The following COQ5 variants were observed in gnomAD, a reference collection of about 807,000 sequenced individuals.
The protein encoded by COQ5 is coenzyme Q5, methyltransferase.
Under a neutral mutation model 40.5 loss-of-function variants are expected in COQ5, and 27 were observed. The observed-to-expected ratio is 0.67, with a 90% CI of 0.49 to 0.92. The LOEUF is 0.92. Among genes scored for constraint, COQ5 ranks in the 40% least tolerant of loss-of-function variants. The pLI, the probability that COQ5 is intolerant of heterozygous loss-of-function variation, is 0.00. For synonymous variants in COQ5, 141 were observed against 150.0 expected (o/e 0.94, Z 0.44); for missense variants, 409 against 406.4 (o/e 1.01, Z -0.06).
intron 1 of COQ5, chr12:120,522,907 C>T (rs920207697): frequency 1.7e-5 from 12 of 717,414 alleles, no homozygotes; most frequent in African/African-American, 1.2e-4. Flanking sequence ...GCCTTGATAG[C>T]GTCAGCACGT....
At position 120,516,575 on chromosome 12, in the gene COQ5, T is replaced by C. The variant is rs752650506; in HGVS notation, c.566A>G (p.Tyr189Cys). 2 of 1,613,392 alleles carry C rather than the reference T, an allele frequency of 1.2e-6. No homozygotes were observed. Among genetic ancestry groups the C allele is most frequent in the Admixed American group, 1.7e-5 (1 of 60,014 alleles). Residue 189 changes from tyrosine (Y) to cysteine (C), a missense_variant, in exon 3 of 7, where the codon TAC (tyrosine) becomes TGC (cysteine). Transcript: ENST00000288532. ...VGKQKALAQG[Y>C]RAGLAWVLGD... is the part of the protein sequence containing the mutation. The stretch of plus-strand genomic sequence containing the variant: ...CCTTCTGCAGGACTCACCAGCTCTG[T>C]ATCCTTGAGCCAAGGCTTTCTGCTT...
chr12:120,528,007 A>AAAAAAAG (rs1407990463), intron 1 of COQ5, among the ~76,000 whole-genome samples: 2 of 142,246 alleles, frequency 1.4e-5, no homozygotes, highest in Non-Finnish European at 3.1e-5. Flanking sequence ...AAAAAAAAAA[A>AAAAAAAG]AAAAAAAAAA....
chr12:120,513,028 G>T lies in COQ5; in HGVS notation c.575-2905C>A, dbSNP rs143109233. On this transcript the variant is annotated intron_variant, in intron 3 of 6. Coordinates refer to ENST00000288532, the MANE Select transcript of COQ5 (RefSeq NM_032314.4). ...TTGGCCAGGCTATTCTCGAACTCCT[G>T]ACCTGAGGTGATCCACCTGCCTCGG... is the stretch of plus-strand genomic sequence containing the variant. 8.4e-3 allele frequency among the ~76,000 whole-genome samples: 1,267 copies of T among 150,698 alleles called. 12 individuals are homozygous for T. Among genetic ancestry groups the T allele is most frequent in the Admixed American group, 0.014 (206 of 15,150 alleles).
intron 1 of COQ5, among the ~76,000 whole-genome samples, chr12:120,525,515 C>T (rs1250257542): frequency 1.3e-5 from 2 of 152,120 alleles, no homozygotes; most frequent in African/African-American, 2.4e-5. Context: ...ACTCGGGGGG[C>T]TAATGGGAGA....
intron 4 of COQ5, among the ~76,000 whole-genome samples, chr12:120,508,647 G>A (rs1386220851): frequency 1.3e-5 from 2 of 152,208 alleles, no homozygotes; most frequent in African/African-American, 4.8e-5. Flanking sequence ...TCTGAAGGGA[G>A]AAGCACTGAA....
chr12:120,517,737 A>G (rs1869445806), intron 2 of COQ5, among the ~76,000 whole-genome samples: 1 of 151,618 alleles, frequency 6.6e-6, no homozygotes, highest in Non-Finnish European at 1.5e-5. Flanking sequence ...AATATTGTTC[A>G]GGACAAATCC....
At chr12:120,523,870 C>T (rs759202578) in intron 1 of COQ5, 29 of 364,486 alleles carry the variant, frequency 8.0e-5, no homozygotes, top group South Asian at 5.6e-4. Context: ...ATTAGCTGGG[C>T]ATGGTTGTGC....
chr12:120,520,546 G>A (rs1260251182), intron 2 of COQ5, among the ~76,000 whole-genome samples: 2 of 151,952 alleles, frequency 1.3e-5, no homozygotes, highest in Non-Finnish European at 1.5e-5. Flanking sequence ...GGATGGTTTC[G>A]ATCTCTTGAC....
intron 4 of COQ5, among the ~76,000 whole-genome samples, chr12:120,509,191 A>G (rs907991708): frequency 6.6e-6 from 1 of 151,914 alleles, no homozygotes; most frequent in Non-Finnish European, 1.5e-5. Flanking sequence ...TGCCTTGCAC[A>G]TGGTCTTCAA....
intron 5 of COQ5, 75 bp downstream of exon 5, chr12:120,504,820 G>A: frequency 8.9e-6 from 11 of 1,235,146 alleles, no homozygotes; most frequent in Non-Finnish European, 1.3e-5. Context: ...ATAGCTTACT[G>A]GCTATTTTCA....
At chr12:120,507,809 C>T (rs1279110823) in intron 4 of COQ5, among the ~76,000 whole-genome samples, 1 of 148,026 alleles carries the variant, frequency 6.8e-6, no homozygotes, top group Admixed American at 6.7e-5. Flanking sequence ...ATCACTTGAA[C>T]CCAGGAGGCG....
At chr12:120,506,130 C>T (rs1433215079) in intron 4 of COQ5, among the ~76,000 whole-genome samples, 1 of 152,174 alleles carries the variant, frequency 6.6e-6, no homozygotes, top group Non-Finnish European at 1.5e-5. Context: ...GCTAGGATTA[C>T]AGGTGTGAGC....
chr12:120,512,298 T>TTAGTA (rs1869169669), intron 3 of COQ5, among the ~76,000 whole-genome samples: 1 of 151,506 alleles, frequency 6.6e-6, no homozygotes, highest in African/African-American at 2.4e-5. Flanking sequence ...CATAGTAAAT[T>TTAGTA]AAAGCAGGAT....
chr12:120,527,564 G>A (rs1042533291), intron 1 of COQ5, among the ~76,000 whole-genome samples: 2 of 152,218 alleles, frequency 1.3e-5, no homozygotes, highest in Non-Finnish European at 2.9e-5. Flanking sequence ...TGTGCACAGC[G>A]AGGACTGTCT....
intron 3 of COQ5, among the ~76,000 whole-genome samples, chr12:120,511,343 G>A (rs1869130618): frequency 1.3e-5 from 2 of 151,884 alleles, no homozygotes; most frequent in Admixed American, 1.3e-4. Context: ...CACAGCTACT[G>A]CTTAGAGGGC....
rs61584250 is a variant in COQ5, at chr12:120,526,698, A to ATTTTTTTTTTTTT, written c.202+2229_202+2241dup. 1.4e-3 allele frequency among the ~76,000 whole-genome samples: 91 copies of ATTTTTTTTTTTTT among 64,140 alleles called. 15 individuals carry two copies. Among genetic ancestry groups the ATTTTTTTTTTTTT allele is most frequent in the African/African-American group, 2.1e-3 (26 of 12,184 alleles). The allele number at this position is 64,140 out of a possible 152,430, so 42.1% of individuals were successfully genotyped here. A position where few individuals can be genotyped will look rare whatever the true frequency, so the allele number is the denominator to read the frequency against. On this transcript the variant is annotated intron_variant, in intron 1 of 6. Coordinates refer to ENST00000288532, the MANE Select transcript of COQ5 (RefSeq NM_032314.4). ...AATAGTGCTCAAACTACTCTTGGCA[A>ATTTTTTTTTTTTT]TTTTTTTTTTTTTTTTTTTTTTTTT... is the stretch of plus-strand genomic sequence containing the variant.
Position 120,529,127 on chromosome 12 carries a change from C to T in COQ5, c.15G>A (p.Gly5=). MAAP[G]SCALWSYCGR... Reference sequence around the variant, plus strand: ...CGCAATAGCTCCATAGAGCACAGCTCCCGGGGGCCGCCATCTTGGTAGTCG... The same window carrying T: ...CGCAATAGCTCCATAGAGCACAGCTTCCGGGGGCCGCCATCTTGGTAGTCG... The change falls in exon 1 of 7, where the codon GGG becomes GGA. Residue 5 remains glycine, a synonymous_variant. Transcript: ENST00000288532. The T allele has an allele frequency of 6.2e-7, 1 of 1,613,670 alleles. No homozygotes were observed. The highest frequency in any genetic ancestry group is 8.5e-7 in the Non-Finnish European group (1 of 1,179,808).
At chr12:120,526,049 C>G (rs1465360294) in intron 1 of COQ5, among the ~76,000 whole-genome samples, 1 of 152,210 alleles carries the variant, frequency 6.6e-6, no homozygotes, top group East Asian at 1.9e-4. Context: ...TACCACAATT[C>G]AAGTACAATG....
intron 2 of COQ5, among the ~76,000 whole-genome samples, chr12:120,521,072 T>G (rs11065150): frequency 0.26 from 38,399 of 148,762 alleles, 5,795 homozygotes; most frequent in East Asian, 0.5. Flanking sequence ...GCGTTTTTTT[T>G]TTTTTTTTTT....
Sources: gnomAD v4.1 joint callset for allele counts (sites outside exome capture counted in the v4.1 genomes callset) on GRCh38, gnomAD v4.1.1 for gene constraint, MANE v1.5 for transcripts, NCBI Gene and HGNC (gene_info 2026-07-23, HGNC 2026-07-21) for gene names.